FAM20A: variants seen among roughly 807,000 people sequenced by gnomAD.
FAM20A encodes the protein FAM20A golgi associated secretory pathway pseudokinase.
Under a neutral mutation model 52.0 loss-of-function variants are expected in FAM20A, and 42 were observed. The observed-to-expected ratio is 0.81, with a 90% confidence interval of 0.63 to 1.04. The LOEUF is 1.04. Ranked by LOEUF, FAM20A falls within the 50% of genes least tolerant of loss-of-function variation. FAM20A has a pLI of 0.00. For missense variants in FAM20A, 742 were observed against 712.7 expected (o/e 1.04, Z -0.47); for synonymous variants, 304 against 298.9 (o/e 1.02, Z -0.18).
intron 1 of FAM20A, among the ~76,000 whole-genome samples, chr17:68,573,810 C>T (rs1442121975): frequency 3.9e-5 from 6 of 151,982 alleles, no homozygotes; most frequent in African/African-American, 7.3e-5. Context: ...GCTGGGAATA[C>T]AGGTGCCAGC....
At chr17:68,544,414 T>G (rs562860012) in intron 4 of FAM20A, among the ~76,000 whole-genome samples, 1 of 152,254 alleles carries the variant, frequency 6.6e-6, no homozygotes, top group Admixed American at 6.5e-5. Context: ...TTTTAATCCT[T>G]AAGGGCCTTG....
intron 1 of FAM20A, among the ~76,000 whole-genome samples, chr17:68,585,645 G>C (rs1598075808): frequency 6.6e-6 from 1 of 152,132 alleles, no homozygotes; most frequent in East Asian, 1.9e-4. Context: ...AAAAAATCCA[G>C]GTTCATGGAG....
intron 1 of FAM20A, chr17:68,598,245 T>G (rs1218412235): frequency 6.6e-6 from 1 of 152,158 alleles, no homozygotes; most frequent in Non-Finnish European, 1.5e-5. Flanking sequence ...CAAGTGATCC[T>G]CCCTCTGCCT....
intron 1 of FAM20A, among the ~76,000 whole-genome samples, chr17:68,576,675 G>T (rs2087778387): frequency 6.6e-6 from 1 of 152,230 alleles, no homozygotes; most frequent in Non-Finnish European, 1.5e-5. Context: ...TTAGTTACAT[G>T]TAGTTGGGGA....
rs1431913849 is a variant in FAM20A, at chr17:68,536,205, A to G, written c.*1272T>C. On this transcript the variant is annotated 3_prime_UTR_variant, in exon 11 of 11. Coordinates refer to ENST00000592554, the MANE Select transcript of FAM20A (RefSeq NM_017565.4). ...AGCTTGGAGACATTTCTGGTTCTTG[A>G]CCTTGTACTCTCTTTAGTGACAGCT... 1 of 454,014 alleles carries G rather than the reference A, an allele frequency of 2.2e-6. No homozygotes were observed. Among genetic ancestry groups the G allele is most frequent in the Non-Finnish European group, 4.4e-6 (1 of 226,770 alleles). The allele number at this position is 454,014 out of a possible 1,614,324, so 28.1% of individuals were successfully genotyped here.
At chr17:68,548,906 G>C (rs1193116226) in intron 4 of FAM20A, among the ~76,000 whole-genome samples, 1 of 151,452 alleles carries the variant, frequency 6.6e-6, no homozygotes, top group Non-Finnish European at 1.5e-5. Context: ...CTAATTTTTT[G>C]TATTTTTAGT....
chr17:68,551,839 A>G (rs183421778), intron 4 of FAM20A, 34 bp downstream of exon 4: 145 of 1,516,592 alleles, frequency 9.6e-5, no homozygotes, highest in Admixed American at 9.2e-4. Flanking sequence ...GGCCACCCCA[A>G]CTGGGTGTGG....
At chr17:68,555,873 G>T in intron 1 of FAM20A, 130 bp from the exon 2 acceptor site, 3 of 1,105,062 alleles carry the variant, frequency 2.7e-6, no homozygotes, top group Non-Finnish European at 1.3e-6. Flanking sequence ...TGAGGGCTAG[G>T]CTTTAAGCTG....
chr17:68,573,092 G>T (rs1327708313), intron 1 of FAM20A, among the ~76,000 whole-genome samples: 1 of 152,194 alleles, frequency 6.6e-6, no homozygotes, highest in Non-Finnish European at 1.5e-5. Context: ...AGGAGCAGGT[G>T]ATAGGTGGTA....
In FAM20A at chr17:68,600,445, G is replaced by T. The variant is rs754205681; in HGVS notation, c.222C>A (p.Thr74=). Residue 74 remains threonine, a synonymous_variant, in exon 1 of 11, where the codon ACC becomes ACA. Coordinates refer to ENST00000592554, the MANE Select transcript of FAM20A (RefSeq NM_017565.4). The surrounding 1 kb of genome is among the most constrained non-coding windows in gnomAD (Gnocchi z 6.2). ...PGTIVHNFSR[T]EPRTEPAGGS... ...CGCCAGCCGGTTCAGTCCGGGGCTC[G>T]GTTCGGGAAAAGTTGTGCACGATCG... The T allele has an allele frequency of 2.2e-5, 35 of 1,611,104 alleles. No individual in the cohort carries two copies. The highest frequency in any genetic ancestry group is 3.3e-4 in the Middle Eastern group (2 of 6,050).
intron 1 of FAM20A, among the ~76,000 whole-genome samples, chr17:68,577,305 A>T (rs1356875987): frequency 6.6e-6 from 1 of 152,212 alleles, no homozygotes; most frequent in African/African-American, 2.4e-5. Flanking sequence ...AACATGAAAT[A>T]TTAAAGCTGG....
Position 68,536,691 on chromosome 17 carries a change from T to C in FAM20A, c.*786A>G, listed in dbSNP as rs1160568203. ...CTGCCTTACTCCAGGCTTGTGTCCCTGCTAGGCCTGTTCCCATGCCATCCT... is the reference window on the plus strand; with the variant it reads ...CTGCCTTACTCCAGGCTTGTGTCCCCGCTAGGCCTGTTCCCATGCCATCCT... On this transcript the variant is annotated 3_prime_UTR_variant, in exon 11 of 11. Coordinates refer to ENST00000592554, the MANE Select transcript of FAM20A (RefSeq NM_017565.4). 1 of 453,986 alleles carries C rather than the reference T, an allele frequency of 2.2e-6. No homozygotes were observed. Among genetic ancestry groups the C allele is most frequent in the Admixed American group, 2.4e-5 (1 of 42,538 alleles). 28.1% of individuals were successfully genotyped at this position (453,986 alleles called of 1,614,324 possible).
intron 8 of FAM20A, chr17:68,540,542 C>G: frequency 3.9e-6 from 2 of 507,426 alleles, no homozygotes; most frequent in Non-Finnish European, 7.7e-6. Context: ...TTCTTCCCTT[C>G]CTACCTGGTT....
intron 9 of FAM20A, 101 bp from the exon 10 acceptor site, chr17:68,539,497 G>T: frequency 9.2e-7 from 1 of 1,086,878 alleles, no homozygotes; most frequent in Non-Finnish European, 1.4e-6. Flanking sequence ...AGAGATTGGG[G>T]TAAAATGCCA....
intron 1 of FAM20A, among the ~76,000 whole-genome samples, chr17:68,572,323 A>G (rs1004286395): frequency 2.0e-5 from 3 of 152,112 alleles, no homozygotes; most frequent in African/African-American, 7.2e-5. Context: ...AGGCTTCATC[A>G]GCTTCATGGT....
In FAM20A at chr17:68,567,432, C is replaced by T. The variant is rs1255660813; in HGVS notation, c.405-11689G>A. Among the ~76,000 whole-genome samples the T allele has an allele frequency of 2.0e-5, 3 of 151,962 alleles. 1 individual carries two copies. The highest frequency in any genetic ancestry group is 4.9e-5 in the African/African-American group (2 of 41,200). On this transcript the variant is annotated intron_variant, in intron 1 of 10. Coordinates refer to ENST00000592554, the MANE Select transcript of FAM20A (RefSeq NM_017565.4). ...TGATTGTCTCTCTAAGCCTGGGCCT[C>T]AGTTGTGGCTTCTGTTCTGCCCAGT...
chr17:68,592,447 C>G (rs1181317123), intron 1 of FAM20A, among the ~76,000 whole-genome samples: 1 of 152,182 alleles, frequency 6.6e-6, no homozygotes, highest in Admixed American at 6.5e-5. Flanking sequence ...CCAGGAGAGA[C>G]AATCTGTCCC....
chr17:68,587,284 G>C (rs1212300358), intron 1 of FAM20A, among the ~76,000 whole-genome samples: 2 of 152,190 alleles, frequency 1.3e-5, no homozygotes, highest in Non-Finnish European at 2.9e-5. Context: ...CAGGGTCTAG[G>C]CTAGTGCAGC....
At chr17:68,552,626 A>G (rs1477282448) in intron 3 of FAM20A, among the ~76,000 whole-genome samples, 1 of 151,582 alleles carries the variant, frequency 6.6e-6, no homozygotes, top group Non-Finnish European at 1.5e-5. Context: ...TGCTTAACTG[A>G]AGAAAAGGGA....
Sources: allele counts gnomAD v4.1 joint callset (sites outside exome capture counted in the v4.1 genomes callset), GRCh38; gene constraint gnomAD v4.1.1; non-coding constraint Gnocchi (gnomAD v3.1); transcripts MANE v1.5; gene names NCBI Gene and HGNC (gene_info 2026-07-23, HGNC 2026-07-21).